TPD52L1: variants seen among roughly 807,000 people sequenced by gnomAD.
TPD52L1 encodes tumor protein D53.
In TPD52L1, 18 loss-of-function variants were observed where a neutral mutation model predicts 28.7. The ratio of observed to expected loss-of-function variants is 0.63; its 90% CI spans 0.43 to 0.93. The LOEUF (loss-of-function observed/expected upper bound fraction) is 0.93, where lower values mean the gene tolerates loss of function less well. TPD52L1 is among the 40% of genes least tolerant of loss of function. TPD52L1 has a pLI of 0.00. For missense variants in TPD52L1, 203 were observed against 254.8 expected, an observed-to-expected ratio of 0.80 and a Z score of 1.39; for synonymous variants, 75 against 88.8, an observed-to-expected ratio of 0.84 and a Z score of 0.88.
chr6:125,219,501 T>C (rs1024458353), intron 1 of TPD52L1, among the ~76,000 whole-genome samples: 1 of 152,206 alleles, frequency 6.6e-6, no homozygotes, highest in African/African-American at 2.4e-5. Context: ...ACCCAGGTGG[T>C]GTGCATTCAA....
chr6:125,240,590 G>T (rs184221740), intron 3 of TPD52L1, among the ~76,000 whole-genome samples: 1 of 151,992 alleles, frequency 6.6e-6, no homozygotes, highest in East Asian at 1.9e-4. Context: ...TGCAGCTATC[G>T]TAAAAGGGAT....
intron 1 of TPD52L1, among the ~76,000 whole-genome samples, chr6:125,204,490 T>A (rs944340615): frequency 6.0e-5 from 9 of 150,910 alleles, no homozygotes; most frequent in East Asian, 5.8e-4. Context: ...TTTATTTTTA[T>A]TTTTTTTTCG....
intron 2 of TPD52L1, among the ~76,000 whole-genome samples, chr6:125,222,806 T>C (rs1795332773): frequency 6.6e-6 from 1 of 152,208 alleles, no homozygotes; most frequent in Non-Finnish European, 1.5e-5. Flanking sequence ...TCTTTTATTA[T>C]AGATTAACTT....
chr6:125,219,456 T>G (rs774036033), intron 1 of TPD52L1, among the ~76,000 whole-genome samples: 26 of 152,216 alleles, frequency 1.7e-4, no homozygotes, highest in Non-Finnish European at 2.9e-4. Context: ...AAAGGCTTCA[T>G]ATTTTAAATT....
At chr6:125,235,294 T>C (rs17053151) in intron 3 of TPD52L1, among the ~76,000 whole-genome samples, 2,669 of 152,084 alleles carry the variant, frequency 0.018, 75 homozygotes, top group African/African-American at 0.059. Context: ...ACTCCTGAGG[T>C]ACCATTTGCT....
intron 1 of TPD52L1, among the ~76,000 whole-genome samples, chr6:125,194,849 G>C (rs937024685): frequency 9.9e-5 from 15 of 152,170 alleles, no homozygotes; most frequent in Non-Finnish European, 1.9e-4. Flanking sequence ...GTTAGTTGGT[G>C]TCAACCTAAA....
At chr6:125,182,623 G>C (rs917776916) in intron 1 of TPD52L1, among the ~76,000 whole-genome samples, 1 of 152,208 alleles carries the variant, frequency 6.6e-6, no homozygotes, top group Non-Finnish European at 1.5e-5. Flanking sequence ...ACTTGACTGA[G>C]AGAAGCTGAG....
At chr6:125,192,530 T>C (rs770125097) in intron 1 of TPD52L1, among the ~76,000 whole-genome samples, 1 of 152,216 alleles carries the variant, frequency 6.6e-6, no homozygotes, top group Middle Eastern at 3.4e-3. Context: ...CTTGATTTTA[T>C]CTGCCCGCAA....
chr6:125,178,607 T>C (rs1791969337), intron 1 of TPD52L1, among the ~76,000 whole-genome samples: 1 of 150,384 alleles, frequency 6.6e-6, no homozygotes. Context: ...GGCGACAGAG[T>C]GAGACTCCAT....
intron 1 of TPD52L1, among the ~76,000 whole-genome samples, chr6:125,162,967 A>G (rs1260647176): frequency 3.9e-5 from 6 of 152,208 alleles, no homozygotes; most frequent in Admixed American, 3.3e-4. Context: ...AATGAAGAAG[A>G]CAGGATTCAA....
chr6:125,175,836 A>G (rs2114801950), intron 1 of TPD52L1, among the ~76,000 whole-genome samples: 1 of 148,692 alleles, frequency 6.7e-6, no homozygotes, highest in Middle Eastern at 3.5e-3. Context: ...CAGCTGATGT[A>G]TATTTTACAA....
intron 3 of TPD52L1, among the ~76,000 whole-genome samples, chr6:125,242,719 C>T (rs954298147): frequency 6.6e-6 from 1 of 152,022 alleles, no homozygotes; most frequent in Non-Finnish European, 1.5e-5. Flanking sequence ...ACAGCAGATA[C>T]TTGGTTGGTG....
At chr6:125,240,583 A>C (rs1472387986) in intron 3 of TPD52L1, among the ~76,000 whole-genome samples, 1 of 151,922 alleles carries the variant, frequency 6.6e-6, no homozygotes, top group Non-Finnish European at 1.5e-5. Flanking sequence ...TATTTTTTGC[A>C]GCTATCGTAA....
intron 1 of TPD52L1, among the ~76,000 whole-genome samples, chr6:125,213,034 A>G (rs1337605739): frequency 1.3e-5 from 2 of 152,220 alleles, no homozygotes; most frequent in Non-Finnish European, 2.9e-5. Flanking sequence ...AAAAGAGTAA[A>G]ATGGCTATCT....
intron 1 of TPD52L1, among the ~76,000 whole-genome samples, chr6:125,217,358 C>G (rs1368673576): frequency 1.3e-5 from 2 of 151,996 alleles, no homozygotes; most frequent in Non-Finnish European, 2.9e-5. Flanking sequence ...AGTGGGAGCC[C>G]TGAGCTTGTT....
At chr6:125,236,200 C>G (rs888323705) in intron 3 of TPD52L1, among the ~76,000 whole-genome samples, 1 of 152,108 alleles carries the variant, frequency 6.6e-6, no homozygotes, top group African/African-American at 2.4e-5. Flanking sequence ...TTAAATAATT[C>G]TTGGAAATAA....
chr6:125,157,460 G>T (rs9482605), intron 1 of TPD52L1, among the ~76,000 whole-genome samples: 1 of 152,148 alleles, frequency 6.6e-6, no homozygotes, highest in Admixed American at 6.5e-5. Flanking sequence ...GGGATTATGG[G>T]TGGAGCTGTT....
chr6:125,243,370 G>A (rs560578184), intron 3 of TPD52L1, among the ~76,000 whole-genome samples: 2 of 152,064 alleles, frequency 1.3e-5, no homozygotes, highest in Non-Finnish European at 2.9e-5. Context: ...GGCCAGGGAA[G>A]TTTTCCCCAA....
chr6:125,247,089 C>T (rs148280004), intron 3 of TPD52L1, among the ~76,000 whole-genome samples: 1 of 151,984 alleles, frequency 6.6e-6, no homozygotes, highest in Non-Finnish European at 1.5e-5. Flanking sequence ...TGAGATCATA[C>T]TTAGGACTGG....
Sources: allele counts gnomAD v4.1 joint callset (sites outside exome capture counted in the v4.1 genomes callset), GRCh38; gene constraint gnomAD v4.1.1; transcripts MANE v1.5; gene names NCBI Gene and HGNC (gene_info 2026-07-23, HGNC 2026-07-21).